The following SENP2 variants were observed in gnomAD, a reference collection of about 807,000 sequenced individuals.
The protein encoded by SENP2 is SUMO specific peptidase 2.
SENP2 carries 16 observed loss-of-function variants against 86.3 expected under a neutral mutation model. That is an observed-to-expected ratio of 0.19 (90% confidence interval 0.13 to 0.28). The LOEUF (loss-of-function observed/expected upper bound fraction) is 0.28. SENP2 is among the 10% of genes least tolerant of loss of function. The pLI, the probability that SENP2 is intolerant of heterozygous loss-of-function variation, is 1.00. For missense variants in SENP2, 552 were observed against 703.0 expected (o/e 0.79, Z 2.43); for synonymous variants, 222 against 238.7 (o/e 0.93, Z 0.64).
At position 185,586,604 on chromosome 3, in the gene SENP2, C is replaced by A; in HGVS notation, c.101+90C>A. The A allele has an allele frequency of 1.6e-6, 2 of 1,286,176 alleles. No homozygotes were observed. The highest frequency in any genetic ancestry group is 2.2e-6 in the Non-Finnish European group (2 of 904,394). 79.7% of individuals were successfully genotyped at this position (1,286,176 alleles called of 1,614,324 possible). The stretch of plus-strand genomic sequence containing the variant: ...CCGTGATAGCTTTGATTCAGCCAGG[C>A]TCACCCGAAACAGGTCGCCGGGATC... On this transcript the variant is annotated intron_variant, in intron 1 of 16. Coordinates refer to ENST00000296257, the MANE Select transcript of SENP2 (RefSeq NM_021627.3). This position sits in a 1 kb window ranked among gnomAD's most constrained non-coding sequence, Gnocchi z 4.3.
chr3:185,632,947 G>GGTA lies in SENP2; in HGVS notation c.*3103_*3104insGTA, dbSNP rs1712554349. On this transcript the variant is annotated 3_prime_UTR_variant, in exon 17 of 17. Coordinates refer to ENST00000296257, the MANE Select transcript of SENP2 (RefSeq NM_021627.3). The stretch of plus-strand genomic sequence containing the variant: ...TTTAAAAATATACCATTGAGAACAC[G>GGTA]TATCTTTCTCAAACTTGACCTTGAA... 6.6e-6 allele frequency: 1 copy of GGTA among 152,188 alleles called. No homozygotes were observed. Among genetic ancestry groups the GGTA allele is most frequent in the African/African-American group, 2.4e-5 (1 of 41,436 alleles). The allele number at this position is 152,188 out of a possible 1,614,324, so 9.4% of individuals were successfully genotyped here.
chr3:185,625,248 A>T (rs1712088919), intron 15 of SENP2, among the ~76,000 whole-genome samples: 1 of 151,778 alleles, frequency 6.6e-6, no homozygotes. Context: ...AGTAGCTGGG[A>T]CCACAGGCGC....
At chr3:185,612,849 G>A (rs1722741148) in intron 9 of SENP2, among the ~76,000 whole-genome samples, 191 bp downstream of exon 9, 3 of 152,218 alleles carry the variant, frequency 2.0e-5, no homozygotes, top group Admixed American at 2.0e-4. Flanking sequence ...GTTGAGGGGG[G>A]TGCCCCTTAT....
In SENP2 at chr3:185,630,594, T is replaced by C. The variant is rs1712415730; in HGVS notation, c.*750T>C. 1 of 152,586 alleles carries C rather than the reference T, an allele frequency of 6.6e-6. No individual in the cohort carries two copies. The allele number at this position is 152,586 out of a possible 1,614,324, so 9.5% of individuals were successfully genotyped here. A position where few individuals can be genotyped will look rare whatever the true frequency, so the allele number is the denominator to read the frequency against. ...AAGCATCTTCCGAAGAGTGTTGTGGTCACCTTAAAGAGACTTCCCCTTCTG... is the reference window on the plus strand; with the variant it reads ...AAGCATCTTCCGAAGAGTGTTGTGGCCACCTTAAAGAGACTTCCCCTTCTG... On this transcript the variant is annotated 3_prime_UTR_variant, in exon 17 of 17. Transcript: ENST00000296257.
At chr3:185,621,156 C>CAAAAAAAAAAA (rs1206042436) in intron 13 of SENP2, among the ~76,000 whole-genome samples, 2 of 39,022 alleles carry the variant, frequency 5.1e-5, no homozygotes, top group Non-Finnish European at 8.8e-5. Context: ...GATCTTGTCT[C>CAAAAAAAAAAA]AAAAAAAAAA....
intron 7 of SENP2, 148 bp from the exon 8 acceptor site, chr3:185,611,503 C>T: frequency 1.9e-6 from 1 of 538,628 alleles, no homozygotes; most frequent in Admixed American, 3.2e-5. Flanking sequence ...TATCCTAGTC[C>T]CACATAGTTG....
rs1000223672 is a variant in SENP2 at position 185,596,959 on chromosome 3, T to C, written c.158-1453T>C. Among the ~76,000 whole-genome samples the C allele has an allele frequency of 5.9e-5, 9 of 152,294 alleles. 1 individual carries two copies. The highest frequency in any genetic ancestry group is 6.8e-3 in the Middle Eastern group (2 of 294). On this transcript the variant is annotated intron_variant, in intron 2 of 16. Coordinates refer to ENST00000296257, the MANE Select transcript of SENP2 (RefSeq NM_021627.3). ...ACCTCTGCTTTCCAGGTTCAAGCAA[T>C]TCTCCTGCCTCAGCCTGCCAAGTAG...
At chr3:185,600,666 T>C in intron 4 of SENP2, 99 bp from the exon 5 acceptor site, 1 of 724,756 alleles carries the variant, frequency 1.4e-6, no homozygotes, top group South Asian at 1.7e-5. Context: ...TTGATTTAGC[T>C]CTATGATGTA....
At chr3:185,610,973 A>T (rs1553838591) in intron 7 of SENP2, among the ~76,000 whole-genome samples, 3 of 147,400 alleles carry the variant, frequency 2.0e-5, no homozygotes, top group Non-Finnish European at 4.5e-5. Context: ...AAATAAATAA[A>T]TAATTAAAGT....
At chr3:185,618,419 G>T (rs1711703333) in intron 12 of SENP2, among the ~76,000 whole-genome samples, 1 of 152,134 alleles carries the variant, frequency 6.6e-6, no homozygotes, top group Non-Finnish European at 1.5e-5. Context: ...TCCCCGAACT[G>T]CTTAGCCCCT....
rs748968284 is a variant in SENP2, at chr3:185,624,062, C to T, written c.1591C>T (p.His531Tyr). ...NSDLNLLEWT[H>Y]HSMKPHEIPQ... ...TGATCTGAATCTTTTAGAGTGGACC[C>T]ATCACAGCATGAAACCACACGTGAG... The change falls in exon 15 of 17, where the codon CAT becomes TAT. Residue 531 changes from histidine to tyrosine, a missense_variant. Physicochemically the swap from His to Tyr is moderately conservative, Grantham distance 83. This residue lies in a region of SENP2 where 169 missense variants were observed against 275.7 expected (regional missense o/e 0.61). Coordinates refer to ENST00000296257, the MANE Select transcript of SENP2 (RefSeq NM_021627.3). 5.0e-6 allele frequency: 8 copies of T among 1,611,512 alleles called. No individual in the cohort carries two copies. In the East Asian group the frequency reaches 1.8e-4, roughly 36 times the overall value.
chr3:185,610,247 G>A (rs997069804), intron 7 of SENP2, among the ~76,000 whole-genome samples: 9 of 140,032 alleles, frequency 6.4e-5, no homozygotes, highest in African/African-American at 2.4e-4. Context: ...TGCAATCTCC[G>A]CTTCCTGGGT....
chr3:185,606,956 A>AT, intron 6 of SENP2: 1 of 308,600 alleles, frequency 3.2e-6, no homozygotes, highest in Non-Finnish European at 6.3e-6. Flanking sequence ...AGCAAATAAT[A>AT]TATCTACTAT....
At chr3:185,629,295 G>A (rs762188288) in intron 16 of SENP2, among the ~76,000 whole-genome samples, 31 of 152,222 alleles carry the variant, frequency 2.0e-4, no homozygotes, top group African/African-American at 6.3e-4. Flanking sequence ...ATGGTAGGCC[G>A]CCTGTGGTGG....
intron 4 of SENP2, among the ~76,000 whole-genome samples, chr3:185,599,809 C>CT (rs63047860): frequency 0.014 from 1,895 of 131,988 alleles, 41 homozygotes; most frequent in African/African-American, 0.037. Flanking sequence ...TTCTTTCTTT[C>CT]TTTTTTTTTT....
chr3:185,610,305 C>T (rs543223936), intron 7 of SENP2, among the ~76,000 whole-genome samples: 3 of 152,024 alleles, frequency 2.0e-5, no homozygotes, highest in East Asian at 1.9e-4. Context: ...GGATTACAGG[C>T]GTCCACCGCC....
chr3:185,592,605 T>G (rs970921021), intron 2 of SENP2, among the ~76,000 whole-genome samples: 4 of 147,870 alleles, frequency 2.7e-5, no homozygotes, highest in African/African-American at 1.0e-4. Flanking sequence ...CAAAAATTAG[T>G]AAGACAGGGT....
intron 6 of SENP2, among the ~76,000 whole-genome samples, chr3:185,607,783 C>G (rs907774432): frequency 6.6e-6 from 1 of 152,194 alleles, no homozygotes; most frequent in Non-Finnish European, 1.5e-5. Context: ...GCGTCAGCCT[C>G]CCAGAGTGCT....
intron 6 of SENP2, among the ~76,000 whole-genome samples, chr3:185,608,470 AT>A (rs779308813): frequency 4.6e-5 from 7 of 152,224 alleles, no homozygotes; most frequent in Non-Finnish European, 8.8e-5. Context: ...CCCTATGTTT[AT>A]GGGGAAGATG....
Sources: allele counts gnomAD v4.1 joint callset (sites outside exome capture counted in the v4.1 genomes callset), GRCh38; gene constraint gnomAD v4.1.1; regional missense constraint gnomAD v4.1.1; non-coding constraint Gnocchi (gnomAD v3.1); transcripts MANE v1.5; gene names NCBI Gene and HGNC (gene_info 2026-07-23, HGNC 2026-07-21).